GLT1D1: variants seen among roughly 807,000 people sequenced by gnomAD.
GLT1D1 encodes glycosyltransferase 1 domain containing 1.
GLT1D1 carries 21 observed loss-of-function variants against 28.7 expected under a neutral mutation model. That is an observed-to-expected ratio of 0.73 (90% CI 0.52 to 1.05). GLT1D1 has a LOEUF of 1.05. GLT1D1 is among the 50% of genes least tolerant of loss of function. GLT1D1 has a pLI of 0.00. For missense variants in GLT1D1, 343 were observed against 330.6 expected (o/e 1.04, Z -0.29); for synonymous variants, 147 against 124.8 (o/e 1.18, Z -1.19).
chr12:128,971,229 C>T (rs1275880732), intron 7 of GLT1D1, among the ~76,000 whole-genome samples: 1 of 152,204 alleles, frequency 6.6e-6, no homozygotes, highest in Non-Finnish European at 1.5e-5. Flanking sequence ...CTACTCCTGC[C>T]TGGGTGCTTA....
intron 4 of GLT1D1, chr12:128,930,502 G>A (rs1328148301): frequency 6.6e-6 from 1 of 152,182 alleles, no homozygotes; most frequent in Admixed American, 6.5e-5. Context: ...TATGAAAAAC[G>A]GTGCAAGTGC....
At chr12:128,913,412 G>A (rs1277347314) in intron 4 of GLT1D1, among the ~76,000 whole-genome samples, 1 of 152,130 alleles carries the variant, frequency 6.6e-6, no homozygotes, top group Non-Finnish European at 1.5e-5. Flanking sequence ...GTAGAGACAG[G>A]GTTTTACTGT....
In GLT1D1 at chr12:128,877,261, T is replaced by C. The variant is rs148997878; in HGVS notation, c.217+1199T>C. Among the ~76,000 whole-genome samples, 1,110 of 152,328 alleles carry C rather than the reference T, an allele frequency of 7.3e-3. 11 individuals are homozygous for C. Among genetic ancestry groups the C allele is most frequent in the South Asian group, 0.043 (209 of 4,832 alleles). ...ATTAAATGACATAGTAGTGGTATCA[T>C]TTGTGCTGCACCATTTTAAGGGATA... On this transcript the variant is annotated intron_variant, in intron 2 of 7. Coordinates refer to ENST00000281703, the MANE Select transcript of GLT1D1 (RefSeq NM_144669.3).
At chr12:128,864,096 C>T (rs559031402) in intron 1 of GLT1D1, 19 of 649,234 alleles carry the variant, frequency 2.9e-5, no homozygotes, top group Middle Eastern at 2.6e-4. Context: ...GGTCCCTGCA[C>T]GTGGAATGCT....
At chr12:128,970,792 G>C (rs912109478) in intron 7 of GLT1D1, among the ~76,000 whole-genome samples, 1 of 152,150 alleles carries the variant, frequency 6.6e-6, no homozygotes, top group African/African-American at 2.4e-5. Context: ...CTCTGTCCCC[G>C]CACCTGTGTC....
intron 2 of GLT1D1, among the ~76,000 whole-genome samples, chr12:128,881,749 C>G (rs1011343273): frequency 6.7e-6 from 1 of 149,756 alleles, no homozygotes; most frequent in Non-Finnish European, 1.5e-5. Flanking sequence ...ACTGCTGTAT[C>G]TGACTCTTGC....
intron 7 of GLT1D1, among the ~76,000 whole-genome samples, chr12:128,982,326 C>T (rs1416190038): frequency 6.6e-6 from 1 of 152,190 alleles, no homozygotes; most frequent in African/African-American, 2.4e-5. Flanking sequence ...CTAGCTTGCC[C>T]AAGGCCACAC....
At chr12:128,922,565 CT>C (rs1872755141) in intron 4 of GLT1D1, among the ~76,000 whole-genome samples, 1 of 152,174 alleles carries the variant, frequency 6.6e-6, no homozygotes, top group Admixed American at 6.6e-5. Flanking sequence ...CTAGCTTAGA[CT>C]TTTGGTCAAA....
chr12:128,929,331 T>C (rs1387073778), intron 4 of GLT1D1, among the ~76,000 whole-genome samples: 1 of 152,222 alleles, frequency 6.6e-6, no homozygotes, highest in Non-Finnish European at 1.5e-5. Flanking sequence ...GGTCATCTCA[T>C]GAGAAAGAGC....
intron 7 of GLT1D1, among the ~76,000 whole-genome samples, chr12:128,963,711 C>T (rs1339858375): frequency 6.6e-6 from 1 of 152,174 alleles, no homozygotes; most frequent in African/African-American, 2.4e-5. Flanking sequence ...GCTCCTATCA[C>T]GCACAGTCAT....
intron 7 of GLT1D1, among the ~76,000 whole-genome samples, chr12:128,977,822 AGGCT>A (rs1241159020): frequency 1.4e-5 from 2 of 141,180 alleles, no homozygotes; most frequent in East Asian, 4.1e-4. Context: ...CTTGTCGCCC[AGGCT>A]GGGGTGCAAT....
chr12:128,938,850 T>C (rs931330066), intron 4 of GLT1D1, among the ~76,000 whole-genome samples: 10 of 152,230 alleles, frequency 6.6e-5, no homozygotes, highest in Non-Finnish European at 1.3e-4. Context: ...GGAATTTTTT[T>C]CAGTATTTTA....
chr12:128,944,323 G>T, intron 4 of GLT1D1: 1 of 700,254 alleles, frequency 1.4e-6, no homozygotes, highest in Non-Finnish European at 2.6e-6. Context: ...TTGGAGGAAA[G>T]CATATCCACA....
chr12:128,951,709 G>A lies in GLT1D1; in HGVS notation c.540+4251G>A, dbSNP rs755778911. Among the ~76,000 whole-genome samples, 14 of 152,298 alleles carry A rather than the reference G, an allele frequency of 9.2e-5. 1 individual carries two copies. The South Asian group carries it at 1.5e-3, about 16-fold the overall frequency. On this transcript the variant is annotated intron_variant, in intron 6 of 7. Coordinates refer to ENST00000281703, the MANE Select transcript of GLT1D1 (RefSeq NM_144669.3). ...TCTGTGCACTGTCCGCCCAGGCACC[G>A]CCCGTCTCCCTCAGGACCAGCTGCA...
At chr12:128,873,103 C>T (rs1188924440) in intron 1 of GLT1D1, among the ~76,000 whole-genome samples, 1 of 152,034 alleles carries the variant, frequency 6.6e-6, no homozygotes, top group African/African-American at 2.4e-5. Flanking sequence ...ATCATGTTGT[C>T]TAGGCTGGTC....
chr12:128,972,100 G>A (rs985034545), intron 7 of GLT1D1, among the ~76,000 whole-genome samples: 7 of 152,148 alleles, frequency 4.6e-5, no homozygotes, highest in East Asian at 2.0e-4. Context: ...GGGCTGCAGC[G>A]GAACTGGGCT....
intron 6 of GLT1D1, among the ~76,000 whole-genome samples, chr12:128,953,432 C>A (rs1876931059): frequency 6.6e-6 from 1 of 152,198 alleles, no homozygotes; most frequent in African/African-American, 2.4e-5. Context: ...CTGCCTCAAT[C>A]TCCCAAAGTG....
intron 2 of GLT1D1, among the ~76,000 whole-genome samples, chr12:128,883,570 A>T (rs1360992095): frequency 6.8e-6 from 1 of 147,416 alleles, no homozygotes; most frequent in African/African-American, 2.5e-5. Flanking sequence ...AGCCTGGGCG[A>T]CAGAGCTAGA....
intron 4 of GLT1D1, among the ~76,000 whole-genome samples, chr12:128,931,913 GCACGCACACACACACA>G (rs1214703262): frequency 2.4e-5 from 3 of 127,110 alleles, no homozygotes; most frequent in African/African-American, 8.2e-5. Context: ...GCACACACAC[GCACGCACACACACACA>G]CACACACACA....
Sources: gnomAD v4.1 joint callset for allele counts (sites outside exome capture counted in the v4.1 genomes callset) on GRCh38, gnomAD v4.1.1 for gene constraint, MANE v1.5 for transcripts, NCBI Gene and HGNC (gene_info 2026-07-23, HGNC 2026-07-21) for gene names.